Variants in GMEB2 observed in about 807,000 individuals in gnomAD.
GMEB2 encodes the protein glucocorticoid modulatory element binding protein 2.
A neutral mutation model predicts 45.7 loss-of-function variants in GMEB2; 7 were observed. The ratio of observed to expected loss-of-function variants is 0.15; its 90% confidence interval spans 0.09 to 0.29. The LOEUF (loss-of-function observed/expected upper bound fraction) is 0.29, where lower values mean the gene tolerates loss of function less well. Ranked by LOEUF, GMEB2 falls within the 10% of genes least tolerant of loss-of-function variation. GMEB2 has a pLI of 1.00. For missense variants in GMEB2, 582 were observed against 739.2 expected (o/e 0.79, Z 2.47); for synonymous variants, 322 against 323.6 (o/e 1.00, Z 0.05).
chr20:63,613,023 G>A (rs549692739), intron 2 of GMEB2, among the ~76,000 whole-genome samples: 1 of 150,896 alleles, frequency 6.6e-6, no homozygotes, highest in Non-Finnish European at 1.5e-5. Flanking sequence ...GTGCAGTGGC[G>A]CAATCTTGGC....
chr20:63,613,864 A>C (rs1414978636), intron 2 of GMEB2, among the ~76,000 whole-genome samples: 1 of 152,130 alleles, frequency 6.6e-6, no homozygotes, highest in African/African-American at 2.4e-5. Flanking sequence ...CCACATTTCA[A>C]ATGGGTAACT....
chr20:63,602,279 CT>C (rs1313799650), intron 4 of GMEB2, among the ~76,000 whole-genome samples: 1 of 152,224 alleles, frequency 6.6e-6, no homozygotes, highest in Non-Finnish European at 1.5e-5. Flanking sequence ...CTCCTTCCCT[CT>C]GCCAGGGACA....
intron 4 of GMEB2, among the ~76,000 whole-genome samples, chr20:63,599,119 C>G (rs2083222057): frequency 6.6e-6 from 1 of 152,168 alleles, no homozygotes; most frequent in Admixed American, 6.5e-5. Flanking sequence ...GCTAACGCGG[C>G]CACTCCTGAC....
chr20:63,623,115 G>C (rs1418737863), intron 1 of GMEB2, among the ~76,000 whole-genome samples: 1 of 152,228 alleles, frequency 6.6e-6, no homozygotes, highest in Non-Finnish European at 1.5e-5. Flanking sequence ...CCCGTTTCCT[G>C]TTTCAGGAGG....
At position 63,589,280 on chromosome 20, in the gene GMEB2, G is replaced by A; in HGVS notation, c.*809C>T. On this transcript the variant is annotated 3_prime_UTR_variant, in exon 10 of 10. Coordinates refer to ENST00000370077, the MANE Select transcript of GMEB2 (RefSeq NM_012384.5). Reference sequence around the variant, plus strand: ...GGTCAAGTGCACTCACAGGGGCTCAGGGGCCACCCAAAGAGCTAACTCGGG... The same window carrying A: ...GGTCAAGTGCACTCACAGGGGCTCAAGGGCCACCCAAAGAGCTAACTCGGG... 1 of 398,566 alleles carries A rather than the reference G, an allele frequency of 2.5e-6. No individual in the cohort carries two copies. The highest frequency in any genetic ancestry group is 4.4e-6 in the Non-Finnish European group (1 of 226,088). The allele number at this position is 398,566 out of a possible 1,614,324, so 24.7% of individuals were successfully genotyped here.
chr20:63,620,021 C>G (rs1308410278), intron 1 of GMEB2: 1 of 152,424 alleles, frequency 6.6e-6, no homozygotes, highest in East Asian at 1.9e-4. Flanking sequence ...GACCTCGGCT[C>G]ACTGCAAGCT....
intron 2 of GMEB2, among the ~76,000 whole-genome samples, chr20:63,616,148 G>A (rs147310575): frequency 0.019 from 2,818 of 152,136 alleles, 53 homozygotes; most frequent in Admixed American, 0.021. Context: ...TGGCAAATTA[G>A]ACACACACAT....
At chr20:63,618,329 ATGTCTTGCTCTG>A (rs977361471) in intron 2 of GMEB2, among the ~76,000 whole-genome samples, 1 of 152,198 alleles carries the variant, frequency 6.6e-6, no homozygotes, top group Non-Finnish European at 1.5e-5. Flanking sequence ...ACACAGGTCC[ATGTCTTGCTCTG>A]TGATCACACA....
intron 6 of GMEB2, among the ~76,000 whole-genome samples, chr20:63,595,204 C>T (rs933246793): frequency 4.7e-5 from 6 of 127,462 alleles, no homozygotes; most frequent in Non-Finnish European, 7.8e-5. Context: ...GCACGGAAGG[C>T]GGGAGCACAG....
intron 4 of GMEB2, among the ~76,000 whole-genome samples, chr20:63,599,149 C>T (rs983496932): frequency 1.3e-5 from 2 of 151,926 alleles, no homozygotes; most frequent in Admixed American, 6.5e-5. Flanking sequence ...CTAACGCAGC[C>T]GCTCCTGACC....
Position 63,590,617 on chromosome 20 carries a change from A to G in GMEB2, c.1065T>C (p.Pro355=). 6.3e-7 allele frequency: 1 copy of G among 1,590,688 alleles called. No homozygotes were observed. Among genetic ancestry groups the G allele is most frequent in the Non-Finnish European group, 8.6e-7 (1 of 1,167,154 alleles). The part of the protein sequence containing the change: ...MTLTPVSLPP[P]VKRPRLARAT... ...CACGTGCAAGCCGGGGCCGCTTCAC[A>G]GGCGGTGGCAGGGAGACCGGCGTCA... The change falls in exon 10 of 10, where the codon CCT becomes CCC. Residue 355 remains proline (P), a synonymous_variant. Coordinates refer to ENST00000370077, the MANE Select transcript of GMEB2 (RefSeq NM_012384.5).
chr20:63,592,493 G>C lies in GMEB2; in HGVS notation c.829+40C>G. ...GGCCTCACCTCCTGCAGAGACTCCT[G>C]GGCTGAGTAGCCAGCAAGAGGGAAG... is the stretch of plus-strand genomic sequence containing the variant. On this transcript the variant is annotated intron_variant, in intron 8 of 9. Coordinates refer to ENST00000370077, the MANE Select transcript of GMEB2 (RefSeq NM_012384.5). This position sits in a 1 kb window ranked among gnomAD's most constrained non-coding sequence, Gnocchi z 8.2. 2 of 1,559,218 alleles carry C rather than the reference G, an allele frequency of 1.3e-6. No individual in the cohort carries two copies. The highest frequency in any genetic ancestry group is 2.2e-5 in the South Asian group (2 of 89,702).
chr20:63,599,132 C>A (rs529722262), intron 4 of GMEB2, among the ~76,000 whole-genome samples: 1 of 152,036 alleles, frequency 6.6e-6, no homozygotes, highest in Non-Finnish European at 1.5e-5. Context: ...CTCCTGACCC[C>A]CCAGAGCTAA....
intron 2 of GMEB2, among the ~76,000 whole-genome samples, chr20:63,610,790 A>G (rs1047073748): frequency 6.6e-6 from 1 of 152,186 alleles, no homozygotes; most frequent in African/African-American, 2.4e-5. Context: ...CTGGTCCTTC[A>G]TGGCTCCCTC....
chr20:63,597,868 G>C lies in GMEB2; in HGVS notation c.358-8C>G. On this transcript the variant is annotated splice_polypyrimidine_tract_variant and splice_region_variant and intron_variant, in intron 4 of 9. Coordinates refer to ENST00000370077, the MANE Select transcript of GMEB2 (RefSeq NM_012384.5). ...GATTACATGCTCGTCGTACTGTGGGGGACACAGTCATGTGGGTCAAGCTTG... is the reference window on the plus strand; with the variant it reads ...GATTACATGCTCGTCGTACTGTGGGCGACACAGTCATGTGGGTCAAGCTTG... 6.6e-7 allele frequency: 1 copy of C among 1,517,192 alleles called. No homozygotes were observed. Among genetic ancestry groups the C allele is most frequent in the Non-Finnish European group, 9.2e-7 (1 of 1,091,680 alleles). The allele number at this position is 1,517,192 out of a possible 1,614,324, so 94.0% of individuals were successfully genotyped here. A position where few individuals can be genotyped will look rare whatever the true frequency, so the allele number is the denominator to read the frequency against.
At chr20:63,617,842 C>T (rs1468980847) in intron 2 of GMEB2, among the ~76,000 whole-genome samples, 2 of 151,998 alleles carry the variant, frequency 1.3e-5, no homozygotes, top group African/African-American at 4.8e-5. Flanking sequence ...ACCCAGACGC[C>T]TGGGTGGGTG....
intron 2 of GMEB2, among the ~76,000 whole-genome samples, chr20:63,606,303 T>G (rs1205319580): frequency 6.7e-6 from 1 of 148,658 alleles, no homozygotes; most frequent in African/African-American, 2.5e-5. Flanking sequence ...CCTTAAAAAA[T>G]AAAAATAAAA....
chr20:63,624,078 T>G (rs1466176781), intron 1 of GMEB2, among the ~76,000 whole-genome samples: 1 of 145,862 alleles, frequency 6.9e-6, no homozygotes, highest in Non-Finnish European at 1.5e-5. Context: ...CCACTACACT[T>G]CAGCCTGGGC....
At chr20:63,615,552 C>T (rs951790968) in intron 2 of GMEB2, among the ~76,000 whole-genome samples, 2 of 152,094 alleles carry the variant, frequency 1.3e-5, no homozygotes, top group African/African-American at 4.8e-5. Context: ...GTCTCAACTC[C>T]TGGGCTCAAG....
Sources: gnomAD v4.1 joint callset for allele counts (sites outside exome capture counted in the v4.1 genomes callset) on GRCh38, gnomAD v4.1.1 for gene constraint, Gnocchi (gnomAD v3.1) non-coding constraint, MANE v1.5 for transcripts, NCBI Gene and HGNC (gene_info 2026-07-23, HGNC 2026-07-21) for gene names.